LYPD6B: variants seen among roughly 807,000 people sequenced by gnomAD.
LYPD6B encodes the protein LY6/PLAUR domain containing 6B.
A neutral mutation model predicts 22.8 loss-of-function variants in LYPD6B; 17 were observed. The observed-to-expected ratio is 0.75, with a 90% confidence interval of 0.51 to 1.12. The LOEUF is 1.12. LYPD6B is among the 50% of genes most tolerant of loss of function. LYPD6B has a pLI of 0.00. For synonymous variants in LYPD6B, 106 were observed against 91.6 expected, an observed-to-expected ratio of 1.16 and a Z score of -0.90; for missense variants, 221 against 258.3, an observed-to-expected ratio of 0.86 and a Z score of 0.99.
chr2:149,071,773 G>T (rs985632356), intron 1 of LYPD6B, among the ~76,000 whole-genome samples: 1 of 152,144 alleles, frequency 6.6e-6, no homozygotes, highest in Admixed American at 6.6e-5. Context: ...GAGAAGACCA[G>T]GGAATCAAAG....
chr2:149,137,104 C>T (rs1238580427), intron 2 of LYPD6B, among the ~76,000 whole-genome samples: 1 of 152,174 alleles, frequency 6.6e-6, no homozygotes, highest in African/African-American at 2.4e-5. Context: ...ATTTATTGAG[C>T]ATCTGCTATT....
intron 1 of LYPD6B, among the ~76,000 whole-genome samples, chr2:149,039,688 T>G (rs1682982106): frequency 6.6e-6 from 1 of 152,170 alleles, no homozygotes; most frequent in Non-Finnish European, 1.5e-5. Flanking sequence ...CCCCTTTGTG[T>G]TGATGTGGTG....
chr2:149,096,152 A>G (rs1685895080), intron 1 of LYPD6B, among the ~76,000 whole-genome samples: 1 of 152,134 alleles, frequency 6.6e-6, no homozygotes, highest in African/African-American at 2.4e-5. Flanking sequence ...AAACAGGAAA[A>G]GAGAGACAAA....
chr2:149,166,859 C>T (rs1690458195), intron 3 of LYPD6B, among the ~76,000 whole-genome samples: 1 of 152,058 alleles, frequency 6.6e-6, no homozygotes, highest in South Asian at 2.1e-4. Context: ...ACTAGGGAGA[C>T]CCAAGCTGCA....
At chr2:149,089,528 T>C (rs939415204) in intron 1 of LYPD6B, among the ~76,000 whole-genome samples, 7 of 152,208 alleles carry the variant, frequency 4.6e-5, no homozygotes, top group Non-Finnish European at 8.8e-5. Flanking sequence ...ATCTGTAAAA[T>C]AGTTAAAATA....
chr2:149,214,738 C>T lies in LYPD6B; in HGVS notation c.*28C>T. ...CCACCATTCCTAGGAGAGGCAGAGA[C>T]CAGCCTCTAAAGCACAAGCCAAAAA... On this transcript the variant is annotated 3_prime_UTR_variant, in exon 7 of 7. Coordinates refer to ENST00000409642, the MANE Select transcript of LYPD6B (RefSeq NM_177964.5). The T allele has an allele frequency of 6.2e-7, 1 of 1,611,344 alleles. No homozygotes were observed. The highest frequency in any genetic ancestry group is 8.5e-7 in the Non-Finnish European group (1 of 1,177,670).
intron 1 of LYPD6B, among the ~76,000 whole-genome samples, chr2:149,064,788 A>C (rs1048541630): frequency 2.0e-5 from 3 of 152,216 alleles, no homozygotes; most frequent in Middle Eastern, 3.4e-3. Context: ...TGCTCATCTG[A>C]ATGGTTAATT....
chr2:149,167,684 G>A (rs1690521636), intron 3 of LYPD6B, among the ~76,000 whole-genome samples: 1 of 152,090 alleles, frequency 6.6e-6, no homozygotes, highest in Admixed American at 6.5e-5. Flanking sequence ...TCACCATAGA[G>A]GATGTTTCAG....
At chr2:149,055,124 C>A (rs1324388366) in intron 1 of LYPD6B, among the ~76,000 whole-genome samples, 4 of 152,186 alleles carry the variant, frequency 2.6e-5, no homozygotes, top group African/African-American at 9.6e-5. Flanking sequence ...CCCAGTTGTC[C>A]CAGCACTGTT....
At chr2:149,107,440 C>T (rs1686533917) in intron 1 of LYPD6B, among the ~76,000 whole-genome samples, 1 of 152,136 alleles carries the variant, frequency 6.6e-6, no homozygotes, top group African/African-American at 2.4e-5. Context: ...TCACAGTTGA[C>T]CACGAGTAAC....
At chr2:149,178,565 G>A (rs190791902) in intron 3 of LYPD6B, among the ~76,000 whole-genome samples, 1 of 152,278 alleles carries the variant, frequency 6.6e-6, no homozygotes, top group African/African-American at 2.4e-5. Context: ...AAGGGACTCT[G>A]CATCTCCATC....
intron 3 of LYPD6B, among the ~76,000 whole-genome samples, chr2:149,197,249 CA>C (rs1175151283): frequency 6.6e-6 from 1 of 152,210 alleles, no homozygotes; most frequent in Non-Finnish European, 1.5e-5. Flanking sequence ...CACGGTGGCT[CA>C]TGCCTGTAAT....
In LYPD6B at chr2:149,130,961, T is replaced by A. The variant is rs750743093; in HGVS notation, c.5+8T>A. ...GTTAATCACATGGATGTTGTGAGTATTATATTCACAAGTGGATGTAGAGAA... is the reference window on the plus strand; with the variant it reads ...GTTAATCACATGGATGTTGTGAGTAATATATTCACAAGTGGATGTAGAGAA... On this transcript the variant is annotated splice_region_variant and intron_variant, in intron 2 of 6. Transcript: ENST00000409642. The A allele has an allele frequency of 3.1e-6, 5 of 1,596,676 alleles. No homozygotes were observed. The highest frequency in any genetic ancestry group is 1.1e-5 in the South Asian group (1 of 90,634).
intron 2 of LYPD6B, among the ~76,000 whole-genome samples, chr2:149,143,101 G>T (rs955252708): frequency 2.6e-5 from 4 of 152,084 alleles, no homozygotes; most frequent in Admixed American, 2.6e-4. Context: ...TAATCATTCA[G>T]ATTTCCTTAG....
chr2:149,120,325 G>GTA lies in LYPD6B; in HGVS notation c.-66-10548_-66-10547dup, dbSNP rs34395659. On this transcript the variant is annotated intron_variant, in intron 1 of 6. Coordinates refer to ENST00000409642, the MANE Select transcript of LYPD6B (RefSeq NM_177964.5). ...TATATATATATGTGTATATATATGT[G>GTA]TATATATATATGTGTATATATATAT... 8.9e-4 allele frequency among the ~76,000 whole-genome samples: 108 copies of GTA among 120,850 alleles called. 1 individual carries two copies. Among genetic ancestry groups the GTA allele is most frequent in the African/African-American group, 3.0e-3 (92 of 31,068 alleles). The allele number at this position is 120,850 out of a possible 152,430, so 79.3% of individuals were successfully genotyped here.
Position 149,188,355 on chromosome 2 carries a change from C to A in LYPD6B, c.78-16898C>A, listed in dbSNP as rs72859078. 2.2e-3 allele frequency among the ~76,000 whole-genome samples: 332 copies of A among 152,252 alleles called. 1 individual carries two copies. Among genetic ancestry groups the A allele is most frequent in the Non-Finnish European group, 3.2e-3 (218 of 68,026 alleles). ...CTACCTTGGATCTCTTCTAAACTCT[C>A]TTGTCAAGCCATGGGCTGGTTGGTT... On this transcript the variant is annotated intron_variant, in intron 3 of 6. Transcript: ENST00000409642.
At chr2:149,201,553 T>C (rs141329971) in intron 3 of LYPD6B, among the ~76,000 whole-genome samples, 1 of 152,316 alleles carries the variant, frequency 6.6e-6, no homozygotes, top group Non-Finnish European at 1.5e-5. Context: ...TATCCTAATG[T>C]GTTTGAGTTG....
At chr2:149,120,361 G>GTATATATATATATATATATATA (rs764587788) in intron 1 of LYPD6B, among the ~76,000 whole-genome samples, 1 of 38,756 alleles carries the variant, frequency 2.6e-5, no homozygotes, top group African/African-American at 1.8e-4. Context: ...GTGTGTGTGT[G>GTATATATATATATATATATATA]TATATATATA....
intron 2 of LYPD6B, among the ~76,000 whole-genome samples, chr2:149,156,931 G>A (rs1377844824): frequency 6.6e-6 from 1 of 152,190 alleles, no homozygotes; most frequent in African/African-American, 2.4e-5. Flanking sequence ...TATTTTAGGG[G>A]AAGTGGGGGT....
Sources: allele counts gnomAD v4.1 joint callset (sites outside exome capture counted in the v4.1 genomes callset), GRCh38; gene constraint gnomAD v4.1.1; transcripts MANE v1.5; gene names NCBI Gene and HGNC (gene_info 2026-07-23, HGNC 2026-07-21).